Variants in BMPR2 observed in about 807,000 individuals in gnomAD.
The protein encoded by BMPR2 is bone morphogenetic protein receptor type-2.
BMPR2 carries 29 observed loss-of-function variants against 100.8 expected under a neutral mutation model. The ratio of observed to expected loss-of-function variants is 0.29; its 90% CI spans 0.21 to 0.39. The LOEUF (loss-of-function observed/expected upper bound fraction) is 0.39, where lower values mean the gene tolerates loss of function less well. BMPR2 is among the 10% of genes least tolerant of loss of function. The pLI is 1.00. For missense variants in BMPR2, 1,011 were observed against 1,274.5 expected, an observed-to-expected ratio of 0.79 and a Z score of 3.15; for synonymous variants, 382 against 442.3, an observed-to-expected ratio of 0.86 and a Z score of 1.71.
rs1048577803 is a variant in BMPR2, at chr2:202,377,132, A to G, written c.-343A>G. On this transcript the variant is annotated 5_prime_UTR_variant, in exon 1 of 13. Transcript: ENST00000374580. Reference sequence around the variant, plus strand: ...TGGATATGTTTTCTCCCAGACCTGGATATTTTTTTGATATCGTGAAACTAC... The same window carrying G: ...TGGATATGTTTTCTCCCAGACCTGGGTATTTTTTTGATATCGTGAAACTAC... The G allele has an allele frequency of 1.5e-5, 9 of 583,898 alleles. No homozygotes were observed. Among genetic ancestry groups the G allele is most frequent in the African/African-American group, 1.3e-4 (7 of 53,294 alleles). 36.2% of individuals were successfully genotyped at this position (583,898 alleles called of 1,614,324 possible).
intron 3 of BMPR2, among the ~76,000 whole-genome samples, chr2:202,492,723 A>AC (rs1692931092): frequency 4.6e-5 from 6 of 129,040 alleles, no homozygotes; most frequent in South Asian, 2.5e-4. Context: ...AAAAAAAAAA[A>AC]CCAAAAAAAA....
At chr2:202,500,732 A>T (rs554990925) in intron 3 of BMPR2, among the ~76,000 whole-genome samples, 1 of 152,328 alleles carries the variant, frequency 6.6e-6, no homozygotes, top group East Asian at 1.9e-4. Flanking sequence ...TCTTAGACTC[A>T]TTAATGAGGC....
intron 3 of BMPR2, among the ~76,000 whole-genome samples, chr2:202,505,681 A>G (rs750241370): frequency 1.3e-5 from 2 of 152,174 alleles, no homozygotes; most frequent in Non-Finnish European, 2.9e-5. Context: ...CTGGCACTCT[A>G]TAACCACTTT....
At chr2:202,557,371 G>C (rs548377770) in intron 12 of BMPR2, among the ~76,000 whole-genome samples, 35 of 152,158 alleles carry the variant, frequency 2.3e-4, no homozygotes, top group Admixed American at 6.5e-4. Context: ...GGCTGAGGCA[G>C]AGAATTGCTT....
intron 1 of BMPR2, among the ~76,000 whole-genome samples, chr2:202,390,210 G>T (rs1690519196): frequency 2.0e-5 from 3 of 152,106 alleles, no homozygotes; most frequent in Admixed American, 2.0e-4. Context: ...AGTTCTAGAA[G>T]TAAGATCATG....
At position 202,380,911 on chromosome 2, in the gene BMPR2, GCCTGGCCCTGGCCCTGGCCCTGGC is replaced by G. The variant is rs57602681; in HGVS notation, c.76+3379_76+3402del. 1.1e-3 allele frequency among the ~76,000 whole-genome samples: 152 copies of G among 140,842 alleles called. 2 individuals are homozygous for G. The highest frequency in any genetic ancestry group is 3.3e-3 in the African/African-American group (123 of 36,928). The allele number at this position is 140,842 out of a possible 152,430, so 92.4% of individuals were successfully genotyped here. A position where few individuals can be genotyped will look rare whatever the true frequency, so the allele number is the denominator to read the frequency against. Reference sequence around the variant, plus strand: ...TGGGATTATAGGTGTGGGCCACTGTGCCTGGCCCTGGCCCTGGCCCTGGCCCTGGCCCTGGCCCTGGATTTCTTT... The same window carrying G: ...TGGGATTATAGGTGTGGGCCACTGTGCCTGGCCCTGGCCCTGGATTTCTTT... On this transcript the variant is annotated intron_variant, in intron 1 of 12. Coordinates refer to ENST00000374580, the MANE Select transcript of BMPR2 (RefSeq NM_001204.7).
intron 11 of BMPR2, among the ~76,000 whole-genome samples, chr2:202,553,907 C>A (rs990379315): frequency 6.6e-6 from 1 of 152,164 alleles, no homozygotes; most frequent in African/African-American, 2.4e-5. Flanking sequence ...AGACTGGTCT[C>A]AAACTCCCGA....
rs140779498 is a variant in BMPR2 at position 202,551,242 on chromosome 2, C to T, written c.1414-1474C>T. ...TAAAACCAGCTTTCCCCTGGCCAGGCGCAGTGACTCATGCCTGTAATCCCA... is the reference window on the plus strand; with the variant it reads ...TAAAACCAGCTTTCCCCTGGCCAGGTGCAGTGACTCATGCCTGTAATCCCA... On this transcript the variant is annotated intron_variant, in intron 10 of 12. Transcript: ENST00000374580. Among the ~76,000 whole-genome samples the T allele has an allele frequency of 3.3e-3, 505 of 151,756 alleles. 2 individuals carry two copies. Among genetic ancestry groups the T allele is most frequent in the African/African-American group, 0.011 (439 of 41,390 alleles).
chr2:202,419,249 C>T (rs1164690554), intron 1 of BMPR2, among the ~76,000 whole-genome samples: 1 of 152,140 alleles, frequency 6.6e-6, no homozygotes, highest in Admixed American at 6.6e-5. Context: ...CTTTTTTATT[C>T]AGCGATTCAC....
chr2:202,511,537 A>G (rs937187747), intron 3 of BMPR2, among the ~76,000 whole-genome samples: 20 of 152,172 alleles, frequency 1.3e-4, no homozygotes, highest in Non-Finnish European at 2.6e-4. Context: ...GCAATGTACA[A>G]GAGTTATAAT....
intron 10 of BMPR2, among the ~76,000 whole-genome samples, chr2:202,545,158 T>G (rs538375095): frequency 7.2e-5 from 2 of 27,874 alleles, no homozygotes; most frequent in East Asian, 1.9e-3. Context: ...AGAATCATTT[T>G]TTTCTTATAT....
chr2:202,555,826 C>T lies in BMPR2; in HGVS notation c.2161C>T (p.Gln721Ter). ...IKLAVEATGQ[Q>*]DFTQTANGQA... ...ACTTGCAGTAGAAGCAACTGGACAGCAGGACTTCACACAGACTGCAAATGG... is the reference window on the plus strand; with the variant it reads ...ACTTGCAGTAGAAGCAACTGGACAGTAGGACTTCACACAGACTGCAAATGG... The change falls in exon 12 of 13, where the codon CAG (glutamine) becomes TAG (stop). Residue 721 changes from glutamine to a stop codon, truncating the protein, a stop_gained. Coordinates refer to ENST00000374580, the MANE Select transcript of BMPR2 (RefSeq NM_001204.7). LOFTEE classifies it high-confidence loss of function. The T allele has an allele frequency of 6.2e-7, 1 of 1,614,104 alleles. No individual in the cohort carries two copies. Among genetic ancestry groups the T allele is most frequent in the Non-Finnish European group, 8.5e-7 (1 of 1,180,032 alleles).
At chr2:202,395,954 A>C (rs1044492662) in intron 1 of BMPR2, among the ~76,000 whole-genome samples, 1 of 151,986 alleles carries the variant, frequency 6.6e-6, no homozygotes, top group African/African-American at 2.4e-5. Context: ...AAAAACAAAC[A>C]AAAAACAAAA....
intron 3 of BMPR2, among the ~76,000 whole-genome samples, chr2:202,506,565 G>A (rs1033415309): frequency 2.0e-5 from 3 of 152,158 alleles, no homozygotes; most frequent in South Asian, 2.1e-4. Flanking sequence ...ATACTGTCAC[G>A]TTGGGGATTT....
chr2:202,396,140 G>A (rs1473724222), intron 1 of BMPR2, among the ~76,000 whole-genome samples: 1 of 152,084 alleles, frequency 6.6e-6, no homozygotes, highest in Non-Finnish European at 1.5e-5. Flanking sequence ...GGTCTAAACT[G>A]CACATGAAAA....
chr2:202,387,749 A>G (rs1177259250), intron 1 of BMPR2, among the ~76,000 whole-genome samples: 1 of 152,348 alleles, frequency 6.6e-6, no homozygotes, highest in Middle Eastern at 3.4e-3. Flanking sequence ...TGATGATGAC[A>G]TATTTAGTTG....
intron 1 of BMPR2, among the ~76,000 whole-genome samples, chr2:202,425,493 T>G (rs1281056884): frequency 6.6e-6 from 1 of 152,220 alleles, no homozygotes; most frequent in Admixed American, 6.5e-5. Context: ...GTTTACACAT[T>G]GAGTTGGGTT....
chr2:202,514,123 A>T (rs554697229), intron 4 of BMPR2, among the ~76,000 whole-genome samples: 4 of 151,908 alleles, frequency 2.6e-5, no homozygotes, highest in South Asian at 2.1e-4. Flanking sequence ...AGCTTTTTTT[A>T]AAATTTATTT....
chr2:202,434,627 T>C (rs959625879), intron 1 of BMPR2, among the ~76,000 whole-genome samples: 2 of 149,176 alleles, frequency 1.3e-5, no homozygotes, highest in Non-Finnish European at 2.9e-5. Flanking sequence ...TCTTTTTGTT[T>C]GTTTGTTTTT....
Sources: gnomAD v4.1 joint callset for allele counts (sites outside exome capture counted in the v4.1 genomes callset) on GRCh38, gnomAD v4.1.1 for gene constraint, MANE v1.5 for transcripts, NCBI Gene and HGNC (gene_info 2026-07-23, HGNC 2026-07-21) for gene names.